Variants in ADAMTS3 observed in about 807,000 individuals in gnomAD.
ADAMTS3 encodes A disintegrin and metalloproteinase with thrombospondin motifs 3.
A neutral mutation model predicts 129.0 loss-of-function variants in ADAMTS3; 73 were observed. The ratio of observed to expected loss-of-function variants is 0.57; its 90% CI spans 0.47 to 0.69. The LOEUF (loss-of-function observed/expected upper bound fraction) is 0.69, where lower values mean the gene tolerates loss of function less well. ADAMTS3 is among the 30% of genes least tolerant of loss of function. The pLI is 0.00. For synonymous variants in ADAMTS3, 477 were observed against 510.8 expected (o/e 0.93, Z 0.89); for missense variants, 1,457 against 1,514.5 (o/e 0.96, Z 0.63).
At chr4:72,481,477 A>G (rs1469110397) in intron 3 of ADAMTS3, among the ~76,000 whole-genome samples, 3 of 152,202 alleles carry the variant, frequency 2.0e-5, no homozygotes, top group Non-Finnish European at 4.4e-5. Context: ...ATGGTGCTAG[A>G]GCAATTGACT....
At chr4:72,415,548 T>A (rs1722282513) in intron 3 of ADAMTS3, among the ~76,000 whole-genome samples, 1 of 152,040 alleles carries the variant, frequency 6.6e-6, no homozygotes, top group Non-Finnish European at 1.5e-5. Flanking sequence ...AAGAACTAAC[T>A]CATATTTGTC....
At chr4:72,468,286 T>C (rs1421374312) in intron 3 of ADAMTS3, among the ~76,000 whole-genome samples, 3 of 152,060 alleles carry the variant, frequency 2.0e-5, no homozygotes, top group African/African-American at 7.2e-5. Flanking sequence ...ATGATGCCAA[T>C]GGAATTTCAA....
chr4:72,418,462 G>A (rs1722365173), intron 3 of ADAMTS3, among the ~76,000 whole-genome samples: 2 of 152,118 alleles, frequency 1.3e-5, no homozygotes, highest in South Asian at 2.1e-4. Context: ...GCCAGGAAAG[G>A]TTTCTACTCC....
intron 4 of ADAMTS3, among the ~76,000 whole-genome samples, chr4:72,342,895 G>C (rs1287027602): frequency 6.6e-6 from 1 of 152,158 alleles, no homozygotes; most frequent in Non-Finnish European, 1.5e-5. Context: ...CCCAAGGTTT[G>C]TCATCTTGCA....
chr4:72,518,409 G>T (rs371679701), intron 3 of ADAMTS3, among the ~76,000 whole-genome samples: 4 of 152,098 alleles, frequency 2.6e-5, no homozygotes, highest in African/African-American at 4.8e-5. Flanking sequence ...TTTCTGTCTC[G>T]TAGATCTGTC....
rs547912515 is a variant in ADAMTS3, at chr4:72,494,419, T to C, written c.504+54059A>G. ...CTTCAGCTCCAGAATTTCTGTTTGG[T>C]TCTATTTTTATGATTTCTATGTCTT... On this transcript the variant is annotated intron_variant, in intron 3 of 21. Transcript: ENST00000286657. Among the ~76,000 whole-genome samples the C allele has an allele frequency of 1.2e-3, 179 of 152,300 alleles. 3 individuals are homozygous for C. In the South Asian group the frequency reaches 0.025, roughly 21 times the overall value.
chr4:72,474,284 T>C (rs1719164630), intron 3 of ADAMTS3, among the ~76,000 whole-genome samples: 1 of 152,024 alleles, frequency 6.6e-6, no homozygotes, highest in Admixed American at 6.5e-5. Flanking sequence ...AAAGCAACAA[T>C]GATAAACAAT....
intron 3 of ADAMTS3, among the ~76,000 whole-genome samples, chr4:72,484,715 G>A (rs956791533): frequency 6.6e-6 from 1 of 152,232 alleles, no homozygotes; most frequent in African/African-American, 2.4e-5. Flanking sequence ...CATGGCGGAA[G>A]TGTGCAGAGT....
intron 4 of ADAMTS3, among the ~76,000 whole-genome samples, chr4:72,412,569 C>A (rs544994984): frequency 6.6e-6 from 1 of 151,940 alleles, no homozygotes; most frequent in Non-Finnish European, 1.5e-5. Flanking sequence ...TATATGGTTA[C>A]AATTCAAGAT....
At chr4:72,455,908 C>G (rs1474965310) in intron 3 of ADAMTS3, among the ~76,000 whole-genome samples, 1 of 92,376 alleles carries the variant, frequency 1.1e-5, no homozygotes, top group Non-Finnish European at 1.9e-5. Flanking sequence ...AGTATATACA[C>G]TGTATATATA....
intron 4 of ADAMTS3, among the ~76,000 whole-genome samples, chr4:72,408,160 T>G (rs1337155489): frequency 6.6e-6 from 1 of 152,184 alleles, no homozygotes; most frequent in East Asian, 1.9e-4. Context: ...AGTAAACTCA[T>G]GTAAACTCAA....
chr4:72,541,739 C>T lies in ADAMTS3; in HGVS notation c.504+6739G>A, dbSNP rs1721330404. Among the ~76,000 whole-genome samples the T allele has an allele frequency of 3.3e-5, 5 of 152,052 alleles. No homozygotes were observed. In the South Asian group the frequency reaches 8.3e-4, roughly 25 times the overall value. On this transcript the variant is annotated intron_variant, in intron 3 of 21. Coordinates refer to ENST00000286657, the MANE Select transcript of ADAMTS3 (RefSeq NM_014243.3). ...AGTTCCCCTGCACATGCTCTCTTGC[C>T]TGCCACTATGTAAGATGTGCCTTTG...
intron 3 of ADAMTS3, among the ~76,000 whole-genome samples, chr4:72,448,200 G>A (rs553322310): frequency 1.3e-5 from 2 of 151,768 alleles, no homozygotes; most frequent in African/African-American, 4.8e-5. Context: ...CCAAAATCAC[G>A]TATATTTTCA....
chr4:72,322,377 G>A lies in ADAMTS3; in HGVS notation c.945+637C>T, dbSNP rs942855281. Among the ~76,000 whole-genome samples, 8 of 152,098 alleles carry A rather than the reference G, an allele frequency of 5.3e-5. 1 individual carries two copies. Among genetic ancestry groups the A allele is most frequent in the Admixed American group, 3.9e-4 (6 of 15,270 alleles). On this transcript the variant is annotated intron_variant, in intron 6 of 21. Coordinates refer to ENST00000286657, the MANE Select transcript of ADAMTS3 (RefSeq NM_014243.3). Reference sequence around the variant, plus strand: ...CATCAAGAAAGTTGTCAGGCTAGTCGTTTCCTGTATGTTTCCTCCTTAAAG... The same window carrying A: ...CATCAAGAAAGTTGTCAGGCTAGTCATTTCCTGTATGTTTCCTCCTTAAAG...
At chr4:72,491,096 T>C (rs1719730830) in intron 3 of ADAMTS3, among the ~76,000 whole-genome samples, 1 of 151,876 alleles carries the variant, frequency 6.6e-6, no homozygotes, top group African/African-American at 2.4e-5. Flanking sequence ...ATGAGATTGT[T>C]TTCTTAATTT....
chr4:72,455,724 A>C, intron 3 of ADAMTS3, among the ~76,000 whole-genome samples: 1 of 146,662 alleles, frequency 6.8e-6, no homozygotes, highest in Non-Finnish European at 1.5e-5. Context: ...CGGCTTTATC[A>C]AATTTGTAAT....
intron 17 of ADAMTS3, among the ~76,000 whole-genome samples, chr4:72,300,464 G>A (rs551450199): frequency 5.8e-4 from 89 of 152,158 alleles, no homozygotes; most frequent in African/African-American, 2.0e-3. Flanking sequence ...ACAGCTTCTG[G>A]CCTCCAATCA....
At chr4:72,397,182 A>T (rs1299351290) in intron 4 of ADAMTS3, among the ~76,000 whole-genome samples, 3 of 152,218 alleles carry the variant, frequency 2.0e-5, no homozygotes, top group African/African-American at 7.2e-5. Flanking sequence ...ATATTATAGT[A>T]CATAACTTCT....
chr4:72,543,093 G>T (rs548094947), intron 3 of ADAMTS3, among the ~76,000 whole-genome samples: 6 of 152,186 alleles, frequency 3.9e-5, no homozygotes, highest in Non-Finnish European at 7.4e-5. Context: ...TGGAATATGT[G>T]TATTATGAAA....
Sources: gnomAD v4.1 joint callset for allele counts (sites outside exome capture counted in the v4.1 genomes callset) on GRCh38, gnomAD v4.1.1 for gene constraint, MANE v1.5 for transcripts, NCBI Gene and HGNC (gene_info 2026-07-23, HGNC 2026-07-21) for gene names.